TIPARP: variants seen among roughly 807,000 people sequenced by gnomAD.
TIPARP encodes TCDD inducible poly(ADP-ribose) polymerase, also known as protein mono-ADP-ribosyltransferase TIPARP.
In TIPARP, 12 loss-of-function variants were observed where a neutral mutation model predicts 56.5. The ratio of observed to expected loss-of-function variants is 0.21; its 90% CI spans 0.14 to 0.34. The LOEUF is 0.34. Among genes scored for constraint, TIPARP ranks in the 10% least tolerant of loss-of-function variants. TIPARP has a pLI of 1.00. For missense variants in TIPARP, 604 were observed against 781.6 expected, an observed-to-expected ratio of 0.77 and a Z score of 2.71; for synonymous variants, 296 against 265.7, an observed-to-expected ratio of 1.11 and a Z score of -1.11.
intron 2 of TIPARP, among the ~76,000 whole-genome samples, chr3:156,689,304 T>A (rs893770909): frequency 6.6e-6 from 1 of 152,158 alleles, no homozygotes; most frequent in African/African-American, 2.4e-5. Context: ...GCCCCACGTG[T>A]AATTATCCTT....
intron 2 of TIPARP, among the ~76,000 whole-genome samples, chr3:156,689,052 C>G (rs1173085500): frequency 1.3e-5 from 2 of 152,146 alleles, no homozygotes; most frequent in African/African-American, 4.8e-5. Context: ...CCAGTTAGCT[C>G]TTACAGGCAG....
intron 2 of TIPARP, among the ~76,000 whole-genome samples, chr3:156,687,684 TAAA>T (rs998864467): frequency 6.6e-6 from 1 of 152,190 alleles, no homozygotes; most frequent in African/African-American, 2.4e-5. Flanking sequence ...AATATACAAT[TAAA>T]AAGCTTAAAA....
At chr3:156,703,133 G>A (rs1164493617) in intron 4 of TIPARP, among the ~76,000 whole-genome samples, 2 of 152,120 alleles carry the variant, frequency 1.3e-5, no homozygotes, top group Non-Finnish European at 2.9e-5. Flanking sequence ...GGATTCAAAC[G>A]TAAAGGTATT....
rs754582702 is a variant in TIPARP at position 156,696,077 on chromosome 3, A to G, written c.1247+52A>G. 14 of 1,556,060 alleles carry G rather than the reference A, an allele frequency of 9.0e-6. No individual in the cohort carries two copies. The East Asian group carries it at 1.8e-4, about 20-fold the overall frequency. ...ATTTACTCTCATTTTATGTAAATGC[A>G]TTCCTGAATACTAGAGATAAAAAAT... On this transcript the variant is annotated intron_variant, in intron 4 of 5. Transcript: ENST00000295924.
chr3:156,678,496 C>G lies in TIPARP; in HGVS notation c.799C>G (p.His267Asp). The G allele has an allele frequency of 6.2e-7, 1 of 1,614,144 alleles. No homozygotes were observed. Among genetic ancestry groups the G allele is most frequent in the Non-Finnish European group, 8.5e-7 (1 of 1,179,986 alleles). Residue 267 changes from histidine to aspartate, a missense_variant, in exon 2 of 6, where the codon CAT (histidine) becomes GAT (aspartate). Physicochemically the swap from His to Asp is moderately conservative, Grantham distance 81. This residue lies in a region of TIPARP where 14 missense variants were observed against 37.6 expected (regional missense o/e 0.37). Coordinates refer to ENST00000295924, the MANE Select transcript of TIPARP (RefSeq NM_015508.5). ...GAAGCACCACACTGTCTTGCCATATCATTGGCAGATCAAAAGGACAACTAC... is the reference window on the plus strand; with the variant it reads ...GAAGCACCACACTGTCTTGCCATATGATTGGCAGATCAAAAGGACAACTAC... ...CLKHHTVLPY[H>D]WQIKRTTTQK...
intron 2 of TIPARP, chr3:156,681,135 A>G (rs1286964783): frequency 2.2e-6 from 1 of 456,546 alleles, no homozygotes; most frequent in African/African-American, 2.0e-5. Flanking sequence ...CAAGATGCAG[A>G]TAACGGCATG....
chr3:156,705,712 CAG>C lies in TIPARP; in HGVS notation c.*584_*585del, dbSNP rs1722962746. On this transcript the variant is annotated 3_prime_UTR_variant, in exon 6 of 6. Coordinates refer to ENST00000295924, the MANE Select transcript of TIPARP (RefSeq NM_015508.5). ...AGAACATCAGTGACTTTAACTTCTG[CAG>C]AGTTTGCCCCAGAATTCAGAGTTCT... is the stretch of plus-strand genomic sequence containing the variant. 1 of 152,626 alleles carries C rather than the reference CAG, an allele frequency of 6.6e-6. No homozygotes were observed. The highest frequency in any genetic ancestry group is 2.4e-5 in the African/African-American group (1 of 41,436). 9.5% of individuals were successfully genotyped at this position (152,626 alleles called of 1,614,324 possible).
At chr3:156,688,717 T>C (rs1450441831) in intron 2 of TIPARP, among the ~76,000 whole-genome samples, 1 of 152,214 alleles carries the variant, frequency 6.6e-6, no homozygotes, top group Admixed American at 6.5e-5. Flanking sequence ...CTGCCAGATA[T>C]TCCAGCATTG....
chr3:156,688,372 C>CAAAAAAAAAAAAAAAAAAAAAAAA (rs56676116), intron 2 of TIPARP, among the ~76,000 whole-genome samples: 1 of 83,846 alleles, frequency 1.2e-5, no homozygotes, highest in Non-Finnish European at 2.3e-5. Context: ...GACCCTATCT[C>CAAAAAAAAAAAAAAAAAAAAAAAA]AAAAAAAAAA....
intron 1 of TIPARP, chr3:156,676,838 C>G (rs1211872309): frequency 6.6e-6 from 1 of 151,858 alleles, no homozygotes; most frequent in East Asian, 1.9e-4. Flanking sequence ...AGTATGCCTT[C>G]ATTTGCTCTT....
intron 2 of TIPARP, chr3:156,681,313 A>G: frequency 2.6e-6 from 1 of 378,472 alleles, no homozygotes; most frequent in Non-Finnish European, 5.4e-6. Flanking sequence ...GTATATGTCG[A>G]AGTTGGAACC....
In TIPARP at chr3:156,678,450, T is replaced by C. The variant is rs1345273774; in HGVS notation, c.753T>C (p.Cys251=). The part of the protein sequence containing the change: ...EICMDFLQGT[C]IYGRDCLKHH... ...GCATGGACTTTCTGCAAGGCACTTGTATTTATGGCAGGGATTGTTTGAAGC... is the reference window on the plus strand; with the variant it reads ...GCATGGACTTTCTGCAAGGCACTTGCATTTATGGCAGGGATTGTTTGAAGC... The change falls in exon 2 of 6, where the codon TGT becomes TGC. Residue 251 remains cysteine (C), a synonymous_variant. Transcript: ENST00000295924. 2 of 1,614,194 alleles carry C rather than the reference T, an allele frequency of 1.2e-6. No individual in the cohort carries two copies. Among genetic ancestry groups the C allele is most frequent in the African/African-American group, 1.3e-5 (1 of 75,050 alleles).
intron 2 of TIPARP, among the ~76,000 whole-genome samples, chr3:156,687,288 CAA>C (rs1722454246): frequency 6.6e-6 from 1 of 152,122 alleles, no homozygotes; most frequent in African/African-American, 2.4e-5. Flanking sequence ...CTTCATGATG[CAA>C]AATTTAATCC....
At chr3:156,688,493 C>CA (rs1297719626) in intron 2 of TIPARP, among the ~76,000 whole-genome samples, 1 of 130,234 alleles carries the variant, frequency 7.7e-6, no homozygotes, top group Non-Finnish European at 1.7e-5. Context: ...CCCCCCCCCG[C>CA]AATAAGTAGC....
chr3:156,697,655 G>A (rs1404813141), intron 4 of TIPARP, among the ~76,000 whole-genome samples: 1 of 152,118 alleles, frequency 6.6e-6, no homozygotes, highest in Admixed American at 6.5e-5. Flanking sequence ...TCAACAGCAT[G>A]CGCTCATTTT....
chr3:156,699,616 TA>T (rs1440726434), intron 4 of TIPARP, among the ~76,000 whole-genome samples: 1 of 152,216 alleles, frequency 6.6e-6, no homozygotes, highest in Non-Finnish European at 1.5e-5. Flanking sequence ...ACTGGGATAC[TA>T]AAAAATTGTA....
chr3:156,693,691 C>T (rs1438390568), intron 2 of TIPARP, among the ~76,000 whole-genome samples: 1 of 152,186 alleles, frequency 6.6e-6, no homozygotes, highest in Non-Finnish European at 1.5e-5. Context: ...GTAAAACTGA[C>T]TCCCTGATTG....
At position 156,677,790 on chromosome 3, in the gene TIPARP, GAAGATCA is replaced by G; in HGVS notation, c.94_100del (p.Lys32LeufsTer3). On this transcript the variant is annotated frameshift_variant, in exon 2 of 6. Coordinates refer to ENST00000295924, the MANE Select transcript of TIPARP (RefSeq NM_015508.5). LOFTEE classifies it high-confidence loss of function. ...TTTCATGCCAAATGAGACTCTCTGAGAAGATCACTCCATTGAAGACTTGTTTTAAGAA... is the reference window on the plus strand; with the variant it reads ...TTTCATGCCAAATGAGACTCTCTGAGCTCCATTGAAGACTTGTTTTAAGAA... 6.2e-7 allele frequency: 1 copy of G among 1,614,156 alleles called. No homozygotes were observed. The highest frequency in any genetic ancestry group is 2.2e-5 in the East Asian group (1 of 44,890).
chr3:156,697,927 A>G (rs1228090779), intron 4 of TIPARP, among the ~76,000 whole-genome samples: 1 of 152,198 alleles, frequency 6.6e-6, no homozygotes, highest in Non-Finnish European at 1.5e-5. Flanking sequence ...CTTGTGCCTT[A>G]ACATTAGCCA....
Sources: gnomAD v4.1 joint callset for allele counts (sites outside exome capture counted in the v4.1 genomes callset) on GRCh38, gnomAD v4.1.1 for gene constraint, gnomAD v4.1.1 regional missense constraint, MANE v1.5 for transcripts, NCBI Gene and HGNC (gene_info 2026-07-23, HGNC 2026-07-21) for gene names.